The following LYZL6 variants were observed in gnomAD, a reference collection of about 807,000 sequenced individuals.
LYZL6 encodes lysozyme-like protein 6.
Under a neutral mutation model 15.0 loss-of-function variants are expected in LYZL6, and 21 were observed. The ratio of observed to expected loss-of-function variants is 1.40; its 90% CI spans 1.00 to 2.02. The LOEUF (loss-of-function observed/expected upper bound fraction) is 2.02, where lower values mean the gene tolerates loss of function less well. Ranked by LOEUF, LYZL6 falls within the 30% of genes most tolerant of loss-of-function variation. The pLI, the probability that LYZL6 is intolerant of heterozygous loss-of-function variation, is 0.00. For synonymous variants in LYZL6, 72 were observed against 67.8 expected (o/e 1.06, Z -0.31); for missense variants, 173 against 180.5 (o/e 0.96, Z 0.24).
chr17:35,943,416 C>T (rs1047616398), intron 1 of LYZL6, among the ~76,000 whole-genome samples, 151 bp downstream of exon 1: 1 of 150,704 alleles, frequency 6.6e-6, no homozygotes, highest in Admixed American at 6.7e-5. Context: ...CAACCTACTC[C>T]ACACTGACTC....
rs144062607 is a variant in LYZL6 at position 35,934,847 on chromosome 17, G to A, written c.396C>T (p.His132=). Residue 132 remains histidine (H), a synonymous_variant, in exon 5 of 5, where the codon CAC becomes CAT. Coordinates refer to ENST00000615905, the MANE Select transcript of LYZL6 (RefSeq NM_020426.4). ...GMNNWVEWRL[H]CSGRPLFYWL... is the part of the protein sequence containing the mutation. ...AGTAGAAGAGTGGCCGGCCTGAACA[G>A]TGCAACCTCCATTCTACCCTGCGGA... is the stretch of plus-strand genomic sequence containing the variant. 6 of 1,614,030 alleles carry A rather than the reference G, an allele frequency of 3.7e-6. No individual in the cohort carries two copies. The highest frequency in any genetic ancestry group is 2.7e-5 in the African/African-American group (2 of 74,914).
At chr17:35,939,195 G>A (rs2089403739) in intron 2 of LYZL6, 23 bp downstream of exon 2, 2 of 1,606,502 alleles carry the variant, frequency 1.2e-6, no homozygotes, top group African/African-American at 1.3e-5. Context: ...AGAAATGGCT[G>A]GGGAGGGGCG....
chr17:35,939,871 GT>G (rs2089411680), intron 1 of LYZL6, among the ~76,000 whole-genome samples: 2 of 152,178 alleles, frequency 1.3e-5, no homozygotes, highest in Non-Finnish European at 2.9e-5. Context: ...GGGATGGGGA[GT>G]GAGGTTGGCA....
chr17:35,939,523 A>G lies in LYZL6; in HGVS notation c.-167T>C. ...TCCAATCTCTTTTCTCTTGTTTATT[A>G]TTTTATAGATTTTTATTTATCATGG... is the stretch of plus-strand genomic sequence containing the variant. On this transcript the variant is annotated 5_prime_UTR_variant, in exon 2 of 5. Transcript: ENST00000615905. 1 of 498,804 alleles carries G rather than the reference A, an allele frequency of 2.0e-6. No homozygotes were observed. Among genetic ancestry groups the G allele is most frequent in the Admixed American group, 3.4e-5 (1 of 29,600 alleles). The allele number at this position is 498,804 out of a possible 1,614,324, so 30.9% of individuals were successfully genotyped here. A position where few individuals can be genotyped will look rare whatever the true frequency, so the allele number is the denominator to read the frequency against.
At chr17:35,938,797 G>T (rs1271926564) in intron 2 of LYZL6, among the ~76,000 whole-genome samples, 1 of 152,158 alleles carries the variant, frequency 6.6e-6, no homozygotes, top group African/African-American at 2.4e-5. Flanking sequence ...ACATTTGGGT[G>T]ACCAGGTCCT....
In LYZL6 at chr17:35,939,110, C is replaced by T. The variant is rs1233978727; in HGVS notation, c.139+108G>A. 43 of 1,344,164 alleles carry T rather than the reference C, an allele frequency of 3.2e-5. No homozygotes were observed. The East Asian group carries it at 9.5e-4, about 30-fold the overall frequency. 83.3% of individuals were successfully genotyped at this position (1,344,164 alleles called of 1,614,324 possible). ...TTGGGAAAGGCTTTTTTGAAGGGGG[C>T]TGCTTTTTGAACTTGGCTTTGAAAG... On this transcript the variant is annotated intron_variant, in intron 2 of 4. Coordinates refer to ENST00000615905, the MANE Select transcript of LYZL6 (RefSeq NM_020426.4).
rs2089387481 is a variant in LYZL6 at position 35,937,769 on chromosome 17, A to G, written c.287T>C (p.Val96Ala). The G allele has an allele frequency of 1.2e-6, 2 of 1,614,132 alleles. No homozygotes were observed. The highest frequency in any genetic ancestry group is 2.2e-5 in the East Asian group (1 of 44,890). The change falls in exon 3 of 5, where the codon GTA becomes GCA. Residue 96 changes from valine to alanine, a missense_variant. Val to Ala is a moderately conservative substitution (Grantham distance 64). Coordinates refer to ENST00000615905, the MANE Select transcript of LYZL6 (RefSeq NM_020426.4). The stretch of plus-strand genomic sequence containing the variant: ...GGCCCTGGCCAGACCTTGACAGTCT[A>G]CGTGGCAAAGGTTTTCCGAGTAACT... The part of the protein sequence containing the change: ...YKSYSENLCH[V>A]DCQDLLNPNL...
rs115362522 is a variant in LYZL6 at position 35,937,777 on chromosome 17, A to G, written c.279T>C (p.Leu93=). The change falls in exon 3 of 5, where the codon CTT becomes CTC. Residue 93 remains leucine, a synonymous_variant. Transcript: ENST00000615905. ...CNDYKSYSEN[L]CHVDCQDLLN... is the part of the protein sequence containing the mutation. ...CCAGACCTTGACAGTCTACGTGGCA[A>G]AGGTTTTCCGAGTAACTCTTATAAT... is the stretch of plus-strand genomic sequence containing the variant. 6.2e-5 allele frequency: 100 copies of G among 1,614,140 alleles called. No homozygotes were observed. The highest frequency in any genetic ancestry group is 8.0e-5 in the Non-Finnish European group (94 of 1,180,006).
intron 1 of LYZL6, among the ~76,000 whole-genome samples, chr17:35,942,029 A>G (rs922615785): frequency 8.4e-6 from 1 of 119,648 alleles, no homozygotes; most frequent in African/African-American, 2.9e-5. Flanking sequence ...TGTGATTCCC[A>G]AGGAGGACAC....
At chr17:35,934,954 G>A in intron 4 of LYZL6, 89 bp from the exon 5 acceptor site, 4 of 1,217,842 alleles carry the variant, frequency 3.3e-6, no homozygotes, top group Admixed American at 1.8e-5. Context: ...CGCATATGGA[G>A]CAACGCCCAG....
chr17:35,936,127 TA>T (rs1179642996), intron 4 of LYZL6, among the ~76,000 whole-genome samples: 1 of 152,116 alleles, frequency 6.6e-6, no homozygotes, highest in Non-Finnish European at 1.5e-5. Flanking sequence ...CATTTTTAAA[TA>T]AAAAAATATT....
chr17:35,942,396 T>C (rs1231950630), intron 1 of LYZL6, among the ~76,000 whole-genome samples: 2 of 152,204 alleles, frequency 1.3e-5, no homozygotes, highest in Non-Finnish European at 2.9e-5. Flanking sequence ...TATATGCTGC[T>C]GAGGGGGCAG....
chr17:35,937,892 C>A lies in LYZL6; in HGVS notation c.164G>T (p.Ser55Ile). The A allele has an allele frequency of 1.2e-6, 2 of 1,614,000 alleles. No individual in the cohort carries two copies. Among genetic ancestry groups the A allele is most frequent in the Non-Finnish European group, 1.7e-6 (2 of 1,180,026 alleles). Residue 55 changes from serine (S) to isoleucine (I), a missense_variant, in exon 3 of 5, where the codon AGC becomes ATC. Physicochemically the swap from Ser to Ile is moderately radical, Grantham distance 142. Transcript: ENST00000615905. ...SDWLCLAFVE[S>I]KFNISKINEN... is the part of the protein sequence containing the mutation. ...ATTTATCTTTGATATGTTGAACTTG[C>A]TTTCCACAAAAGCCAGGCACAGCCC...
At position 35,937,932 on chromosome 17, in the gene LYZL6, A is replaced by G. The variant is rs1038262764; in HGVS notation, c.140-16T>C. ...AGGCACAGCCCTTAGAGTAGGGAGA[A>G]GAAGGTCAGGATTTAGAGGGGACCA... is the stretch of plus-strand genomic sequence containing the variant. On this transcript the variant is annotated splice_polypyrimidine_tract_variant and intron_variant, in intron 2 of 4. Coordinates refer to ENST00000615905, the MANE Select transcript of LYZL6 (RefSeq NM_020426.4). 4 of 1,610,370 alleles carry G rather than the reference A, an allele frequency of 2.5e-6. No homozygotes were observed. The highest frequency in any genetic ancestry group is 3.4e-6 in the Non-Finnish European group (4 of 1,179,640).
chr17:35,942,435 C>T (rs1171869249), intron 1 of LYZL6, among the ~76,000 whole-genome samples: 1 of 152,172 alleles, frequency 6.6e-6, no homozygotes, highest in East Asian at 1.9e-4. Context: ...CCGCCGCCTT[C>T]AAGTGTCAGG....
intron 1 of LYZL6, among the ~76,000 whole-genome samples, chr17:35,940,488 A>G (rs925742166): frequency 6.6e-6 from 1 of 152,194 alleles, no homozygotes; most frequent in African/African-American, 2.4e-5. Context: ...ATCTGAAACG[A>G]TGTTTTTTGG....
chr17:35,935,080 C>T (rs560925000), intron 4 of LYZL6, among the ~76,000 whole-genome samples: 1 of 151,786 alleles, frequency 6.6e-6, no homozygotes, highest in East Asian at 1.9e-4. Flanking sequence ...AACGTTTCCA[C>T]ATTTTAAAAT....
At chr17:35,937,187 G>A (rs947871424) in intron 3 of LYZL6, among the ~76,000 whole-genome samples, 1 of 152,228 alleles carries the variant, frequency 6.6e-6, no homozygotes, top group Non-Finnish European at 1.5e-5. Flanking sequence ...CTTCAGGCGA[G>A]GAGCCGAGGG....
rs889612513 is a variant in LYZL6 at position 35,934,544 on chromosome 17, C to T, written c.*252G>A. 10 of 497,130 alleles carry T rather than the reference C, an allele frequency of 2.0e-5. No homozygotes were observed. Among genetic ancestry groups the T allele is most frequent in the East Asian group, 1.3e-4 (4 of 30,752 alleles). The allele number at this position is 497,130 out of a possible 1,614,324, so 30.8% of individuals were successfully genotyped here. A position where few individuals can be genotyped will look rare whatever the true frequency, so the allele number is the denominator to read the frequency against. ...TTGCAGAGCGAGTGCTTTAATATTT[C>T]GATAAATATAAAGATTTCTTTATTG... On this transcript the variant is annotated 3_prime_UTR_variant, in exon 5 of 5. Transcript: ENST00000615905.
Sources: gnomAD v4.1 joint callset for allele counts (sites outside exome capture counted in the v4.1 genomes callset) on GRCh38, gnomAD v4.1.1 for gene constraint, MANE v1.5 for transcripts, NCBI Gene and HGNC (gene_info 2026-07-23, HGNC 2026-07-21) for gene names.